Variants in ANKRD6 observed in about 807,000 individuals in gnomAD.
ANKRD6 encodes ankyrin repeat domain-containing protein 6.
ANKRD6 carries 56 observed loss-of-function variants against 82.3 expected under a neutral mutation model. The observed-to-expected ratio is 0.68, with a 90% CI of 0.55 to 0.85. The LOEUF (loss-of-function observed/expected upper bound fraction) is 0.85, where lower values mean the gene tolerates loss of function less well. Ranked by LOEUF, ANKRD6 falls within the 40% of genes least tolerant of loss-of-function variation. The pLI, the probability that ANKRD6 is intolerant of heterozygous loss-of-function variation, is 0.00. For synonymous variants in ANKRD6, 347 were observed against 352.1 expected, an observed-to-expected ratio of 0.99 and a Z score of 0.16; for missense variants, 852 against 907.6, an observed-to-expected ratio of 0.94 and a Z score of 0.79.
At chr6:89,443,420 C>G (rs1182997396) in intron 1 of ANKRD6, among the ~76,000 whole-genome samples, 2 of 152,172 alleles carry the variant, frequency 1.3e-5, no homozygotes, top group Non-Finnish European at 2.9e-5. Context: ...TGGGGAGGCA[C>G]ACATTTAACA....
chr6:89,447,318 T>C (rs917909776), intron 1 of ANKRD6, among the ~76,000 whole-genome samples: 1 of 152,174 alleles, frequency 6.6e-6, no homozygotes, highest in African/African-American at 2.4e-5. Context: ...AACAGCCTTA[T>C]TGTTATTGCT....
intron 1 of ANKRD6, among the ~76,000 whole-genome samples, chr6:89,487,099 T>A (rs145194759): frequency 3.3e-5 from 5 of 152,194 alleles, no homozygotes; most frequent in African/African-American, 4.8e-5. Context: ...CTGACACTTA[T>A]TAACTGGGCA....
intron 1 of ANKRD6, among the ~76,000 whole-genome samples, chr6:89,531,452 A>G (rs982043705): frequency 6.6e-6 from 1 of 152,250 alleles, no homozygotes; most frequent in South Asian, 2.1e-4. Context: ...TTGATATTTT[A>G]TGGATTCTTC....
In ANKRD6 at chr6:89,616,292, G is replaced by GC; in HGVS notation, c.616-265dup. On this transcript the variant is annotated intron_variant, in intron 7 of 15. Coordinates refer to ENST00000339746, the MANE Select transcript of ANKRD6 (RefSeq NM_001242809.2). ...GGTCCCACCATTCTCAACAACCCAG[G>GC]CCAGCATTACTTTGCCCCTGCGTTT... 6.7e-6 allele frequency: 3 copies of GC among 450,606 alleles called. No individual in the cohort carries two copies. In the East Asian group the frequency reaches 1.3e-4, roughly 19 times the overall value. 27.9% of individuals were successfully genotyped at this position (450,606 alleles called of 1,614,324 possible).
At chr6:89,555,798 T>G (rs948620690) in intron 1 of ANKRD6, among the ~76,000 whole-genome samples, 3 of 151,966 alleles carry the variant, frequency 2.0e-5, no homozygotes, top group Non-Finnish European at 4.4e-5. Context: ...CTCTGGACTT[T>G]GTTCTGGGGG....
chr6:89,576,923 C>CATTTTTT (rs1381972021), intron 2 of ANKRD6, among the ~76,000 whole-genome samples: 3 of 152,086 alleles, frequency 2.0e-5, no homozygotes, highest in Non-Finnish European at 2.9e-5. Context: ...CCTTCATGGG[C>CATTTTTT]ATTTTTTATT....
chr6:89,613,710 T>C, intron 6 of ANKRD6, 82 bp from the exon 7 acceptor site: 2 of 1,300,480 alleles, frequency 1.5e-6, no homozygotes, highest in Non-Finnish European at 1.1e-6. Flanking sequence ...CTGCTAGCTT[T>C]TAAATAACAT....
At chr6:89,619,663 A>G (rs1802505501) in intron 9 of ANKRD6, 1 of 152,200 alleles carries the variant, frequency 6.6e-6, no homozygotes, top group Non-Finnish European at 1.5e-5. Context: ...GCATAATTGT[A>G]TATGCTGAGG....
chr6:89,504,402 C>T (rs1307558109), intron 1 of ANKRD6, among the ~76,000 whole-genome samples: 1 of 137,582 alleles, frequency 7.3e-6, no homozygotes, highest in Non-Finnish European at 1.7e-5. Flanking sequence ...CTCTCGCTCT[C>T]GCTCGCGCTC....
At chr6:89,477,031 G>A (rs147605236) in intron 1 of ANKRD6, among the ~76,000 whole-genome samples, 1,748 of 152,258 alleles carry the variant, frequency 0.011, 42 homozygotes, top group African/African-American at 0.039. Context: ...TGCAAGCTCC[G>A]CCTCACGGGT....
At chr6:89,494,301 A>T (rs923512001) in intron 1 of ANKRD6, among the ~76,000 whole-genome samples, 1 of 152,254 alleles carries the variant, frequency 6.6e-6, no homozygotes, top group Non-Finnish European at 1.5e-5. Context: ...TCTTGATCAG[A>T]TGTCACCTGG....
rs187296257 is a variant in ANKRD6 at position 89,604,935 on chromosome 6, T to C, written c.319-1072T>C. Among the ~76,000 whole-genome samples the C allele has an allele frequency of 1.4e-3, 208 of 152,314 alleles. 1 individual carries two copies. Among genetic ancestry groups the C allele is most frequent in the African/African-American group, 4.9e-3 (202 of 41,562 alleles). ...ATGCACCTGCACTGACCTCTGCTGATTGCCCTGCACCCTTCCTTCTCCGGG... is the reference window on the plus strand; with the variant it reads ...ATGCACCTGCACTGACCTCTGCTGACTGCCCTGCACCCTTCCTTCTCCGGG... On this transcript the variant is annotated intron_variant, in intron 4 of 15. Coordinates refer to ENST00000339746, the MANE Select transcript of ANKRD6 (RefSeq NM_001242809.2).
intron 2 of ANKRD6, among the ~76,000 whole-genome samples, chr6:89,575,609 A>AT (rs1201890639): frequency 6.6e-6 from 1 of 152,200 alleles, no homozygotes; most frequent in African/African-American, 2.4e-5. Flanking sequence ...TTAAAAAAAA[A>AT]TAAGCGATTT....
intron 1 of ANKRD6, chr6:89,562,947 T>C (rs1787680917): frequency 6.6e-6 from 1 of 152,132 alleles, no homozygotes; most frequent in Non-Finnish European, 1.5e-5. Context: ...GGAGCAAAGC[T>C]AGTTTATAGC....
At chr6:89,584,020 C>T (rs557633167) in intron 2 of ANKRD6, among the ~76,000 whole-genome samples, 1 of 152,344 alleles carries the variant, frequency 6.6e-6, no homozygotes, top group African/African-American at 2.4e-5. Context: ...AGTCTAACTA[C>T]ACTGCTGAGT....
At chr6:89,615,137 TTTGTTGGAGTGCATAAATC>T (rs1331074856) in intron 7 of ANKRD6, among the ~76,000 whole-genome samples, 7 of 149,268 alleles carry the variant, frequency 4.7e-5, no homozygotes, top group Admixed American at 3.4e-4. Flanking sequence ...TTCACTTTTC[TTTGTTGGAGTGCATAAATC>T]TTAACTAAAA....
At chr6:89,598,671 G>C (rs1482466721) in intron 3 of ANKRD6, among the ~76,000 whole-genome samples, 1 of 152,202 alleles carries the variant, frequency 6.6e-6, no homozygotes, top group Non-Finnish European at 1.5e-5. Flanking sequence ...GAGAAACACT[G>C]TCTCAGAAAA....
At chr6:89,452,008 G>A (rs1189549968) in intron 1 of ANKRD6, among the ~76,000 whole-genome samples, 2 of 152,030 alleles carry the variant, frequency 1.3e-5, no homozygotes, top group African/African-American at 2.4e-5. Context: ...ACCAGCCTGG[G>A]AAACAGCAAG....
At chr6:89,513,120 A>T (rs1356547115) in intron 1 of ANKRD6, among the ~76,000 whole-genome samples, 1 of 151,150 alleles carries the variant, frequency 6.6e-6, no homozygotes, top group Non-Finnish European at 1.5e-5. Flanking sequence ...AGAGACAGAG[A>T]CTCACTATGT....
Sources: gnomAD v4.1 joint callset for allele counts (sites outside exome capture counted in the v4.1 genomes callset) on GRCh38, gnomAD v4.1.1 for gene constraint, MANE v1.5 for transcripts, NCBI Gene and HGNC (gene_info 2026-07-23, HGNC 2026-07-21) for gene names.